Variants in TSEN2 observed in about 807,000 individuals in gnomAD.
The protein encoded by TSEN2 is tRNA-splicing endonuclease subunit Sen2.
Under a neutral mutation model 59.2 loss-of-function variants are expected in TSEN2, and 54 were observed. That is an observed-to-expected ratio of 0.91 (90% CI 0.73 to 1.14). TSEN2 has a LOEUF of 1.14. TSEN2 is among the 50% of genes most tolerant of loss of function. The pLI is 0.00. For missense variants in TSEN2, 636 were observed against 576.2 expected, an observed-to-expected ratio of 1.10 and a Z score of -1.06; for synonymous variants, 195 against 198.2, an observed-to-expected ratio of 0.98 and a Z score of 0.14.
intron 10 of TSEN2, chr3:12,530,117 T>C (rs1166384484): frequency 2.9e-6 from 4 of 1,402,946 alleles, no homozygotes; most frequent in Non-Finnish European, 3.7e-6. Context: ...ATGACGGAGC[T>C]TTGGAGTGTC....
chr3:12,507,985 T>C (rs1202365429), intron 6 of TSEN2, among the ~76,000 whole-genome samples: 6 of 152,124 alleles, frequency 3.9e-5, no homozygotes, highest in Non-Finnish European at 7.4e-5. Flanking sequence ...CCAAAACGAA[T>C]GCCAGATGGG....
downstream of TSEN2, among the ~76,000 whole-genome samples, chr3:12,535,825 A>G (rs2057662115): frequency 6.6e-6 from 1 of 152,096 alleles, no homozygotes; most frequent in Admixed American, 6.6e-5. Flanking sequence ...TTTAAATGGC[A>G]CATTCTGGTA....
At chr3:12,481,890 T>A (rs1170928256), upstream of TSEN2, among the ~76,000 whole-genome samples, 4 of 120,824 alleles carry the variant, frequency 3.3e-5, no homozygotes, top group Non-Finnish European at 6.8e-5. Context: ...AACTACACAG[T>A]TGATATATGT....
upstream of TSEN2, among the ~76,000 whole-genome samples, chr3:12,483,313 T>C (rs370468853): frequency 5.3e-5 from 8 of 152,240 alleles, no homozygotes; most frequent in Admixed American, 3.9e-4. Context: ...GAGGCAGAGA[T>C]TGCAGTGAGG....
At chr3:12,511,343 AT>A (rs1345783791) in intron 6 of TSEN2, 1 of 152,222 alleles carries the variant, frequency 6.6e-6, no homozygotes, top group Non-Finnish European at 1.5e-5. Flanking sequence ...GAAAGGAAAG[AT>A]TGGGCCACAG....
chr3:12,485,363 C>G (rs80114612), intron 1 of TSEN2, among the ~76,000 whole-genome samples: 2,156 of 152,224 alleles, frequency 0.014, 53 homozygotes, highest in African/African-American at 0.047. Context: ...GAAACAGACT[C>G]TGCTTTTAAT....
At chr3:12,485,989 T>G (rs902126840) in intron 1 of TSEN2, among the ~76,000 whole-genome samples, 1 of 152,194 alleles carries the variant, frequency 6.6e-6, no homozygotes, top group Non-Finnish European at 1.5e-5. Context: ...TTACATTGTA[T>G]TAGGTATTCT....
At chr3:12,486,278 C>T (rs2052605831) in intron 1 of TSEN2, among the ~76,000 whole-genome samples, 1 of 152,208 alleles carries the variant, frequency 6.6e-6, no homozygotes, top group African/African-American at 2.4e-5. Flanking sequence ...CACTAAAGAA[C>T]CTTCTTGAAT....
intron 8 of TSEN2, among the ~76,000 whole-genome samples, chr3:12,523,850 T>C (rs141389878): frequency 1.1e-4 from 17 of 152,258 alleles, no homozygotes; most frequent in Non-Finnish European, 1.9e-4. Flanking sequence ...CTTTGATTCA[T>C]TTCTAAGCCA....
intron 4 of TSEN2, among the ~76,000 whole-genome samples, chr3:12,497,580 G>T (rs938234891): frequency 6.6e-6 from 1 of 152,164 alleles, no homozygotes; most frequent in Non-Finnish European, 1.5e-5. Context: ...GTGCAGACAG[G>T]TTGCCACAGC....
chr3:12,508,155 C>A (rs1448181477), intron 6 of TSEN2, among the ~76,000 whole-genome samples: 1 of 152,156 alleles, frequency 6.6e-6, no homozygotes, highest in African/African-American at 2.4e-5. Flanking sequence ...AAGGGTATTC[C>A]GTGTCAGATG....
At chr3:12,507,448 TTAAA>T (rs1331096360) in intron 6 of TSEN2, among the ~76,000 whole-genome samples, 1 of 152,214 alleles carries the variant, frequency 6.6e-6, no homozygotes, top group Non-Finnish European at 1.5e-5. Context: ...GTTCTGGAAA[TTAAA>T]TAATACATGT....
At chr3:12,521,417 A>G (rs1339975002) in intron 8 of TSEN2, among the ~76,000 whole-genome samples, 1 of 152,234 alleles carries the variant, frequency 6.6e-6, no homozygotes, top group Non-Finnish European at 1.5e-5. Flanking sequence ...ACTGTAGTCA[A>G]AAAGATTCAG....
Position 12,531,649 on chromosome 3 carries a change from T to G in TSEN2, c.1328T>G (p.Ile443Ser). ...EMESPECMKR[I>S]KVQEVILSRW... ...GAGTCACCAGAATGTATGAAAAGGA[T>G]TAAAGTTCAGGTGGGTAAACTCAGA... The change falls in exon 11 of 12, where the codon ATT becomes AGT. Residue 443 changes from isoleucine to serine, a missense_variant. Ile to Ser is a moderately radical substitution (Grantham distance 142, BLOSUM62 -2). Transcript: ENST00000284995. The G allele has an allele frequency of 6.2e-7, 1 of 1,608,054 alleles. No homozygotes were observed. Among genetic ancestry groups the G allele is most frequent in the Non-Finnish European group, 8.5e-7 (1 of 1,174,408 alleles).
At chr3:12,514,455 A>C (rs1283665418) in intron 6 of TSEN2, among the ~76,000 whole-genome samples, 1 of 152,024 alleles carries the variant, frequency 6.6e-6, no homozygotes, top group Non-Finnish European at 1.5e-5. Flanking sequence ...TGCTATGGAG[A>C]GTGGACTGTA....
At position 12,486,853 on chromosome 3, in the gene TSEN2, A is replaced by G. The variant is rs938739984; in HGVS notation, c.-18+1973A>G. 3.3e-5 allele frequency among the ~76,000 whole-genome samples: 5 copies of G among 152,194 alleles called. No individual in the cohort carries two copies. In the South Asian group the frequency reaches 6.2e-4, roughly 19 times the overall value. ...TTAGCATAATGCTTTCAGGTGTTGA[A>G]GAATGTATCCGAACTTCATTCCTTT... On this transcript the variant is annotated intron_variant, in intron 1 of 11. Transcript: ENST00000284995.
chr3:12,515,730 G>A (rs1470538046), intron 6 of TSEN2, among the ~76,000 whole-genome samples: 3 of 152,098 alleles, frequency 2.0e-5, no homozygotes, highest in African/African-American at 7.2e-5. Context: ...CATTCCTACA[G>A]CCTCCCCCCA....
At chr3:12,505,321 T>G (rs2054696437) in intron 6 of TSEN2, 90 bp downstream of exon 6, 1 of 830,938 alleles carries the variant, frequency 1.2e-6, no homozygotes, top group Admixed American at 1.9e-5. Context: ...TAGTTCTGTA[T>G]GTAATTCAAT....
chr3:12,503,266 C>T lies in TSEN2; in HGVS notation c.313C>T (p.Gln105Ter). The T allele has an allele frequency of 6.2e-7, 1 of 1,614,100 alleles. No homozygotes were observed. Among genetic ancestry groups the T allele is most frequent in the Non-Finnish European group, 8.5e-7 (1 of 1,180,022 alleles). Reference protein sequence around the residue: ...NMPIITSKRYQHSVEWAAELM... With the variant: ...NMPIITSKRY The stretch of plus-strand genomic sequence containing the variant: ...AACAGTATTTCTGTCTTGCAGGTAT[C>T]AGCATAGTGTTGAGTGGGCAGCAGA... The change falls in exon 5 of 12, where the codon CAG becomes TAG. Residue 105 changes from glutamine to a stop codon, truncating the protein, a stop_gained. Transcript: ENST00000284995. LOFTEE classifies it high-confidence loss of function.
Sources: gnomAD v4.1 joint callset for allele counts (sites outside exome capture counted in the v4.1 genomes callset) on GRCh38, gnomAD v4.1.1 for gene constraint, MANE v1.5 for transcripts, NCBI Gene and HGNC (gene_info 2026-07-23, HGNC 2026-07-21) for gene names.